The following NHS variants were observed in gnomAD, a reference collection of about 807,000 sequenced individuals.
NHS encodes NHS actin remodeling regulator, also known as actin remodeling regulator NHS.
NHS carries 5 observed loss-of-function variants against 72.5 expected under a neutral mutation model. The ratio of observed to expected loss-of-function variants is 0.07; its 90% CI spans 0.04 to 0.14. NHS has a LOEUF of 0.14. Among genes scored for constraint, NHS ranks in the 10% least tolerant of loss-of-function variants. NHS has a pLI of 1.00. For synonymous variants in NHS, 464 were observed against 547.7 expected (o/e 0.85, Z 2.13); for missense variants, 1,072 against 1,355.7 (o/e 0.79, Z 3.29).
chrX:17,400,994 C>T (rs2064500668), intron 1 of NHS, among the ~76,000 whole-genome samples: 1 of 112,179 alleles, frequency 8.9e-6, no homozygotes, highest in Non-Finnish European at 1.9e-5. Context: ...AAACTTATTA[C>T]AAAACTACAG....
chrX:17,586,106 A>G (rs1019299031), intron 1 of NHS: 2 of 111,004 alleles, frequency 1.8e-5, no homozygotes, highest in African/African-American at 6.6e-5. Context: ...TCTGCCACCA[A>G]CCAGCTCTGG....
intron 1 of NHS, among the ~76,000 whole-genome samples, chrX:17,526,263 AG>A (rs1381234872): frequency 8.9e-6 from 1 of 112,630 alleles, no homozygotes; most frequent in Non-Finnish European, 1.9e-5. Flanking sequence ...GGGCTAGGCC[AG>A]GCCAGGTGGT....
At chrX:17,695,927 TAA>T (rs371466910) in intron 3 of NHS, among the ~76,000 whole-genome samples, 20 of 69,482 alleles carry the variant, frequency 2.9e-4, no homozygotes, top group African/African-American at 9.0e-4. Context: ...AAAGCTTCCT[TAA>T]AAAAAAAAAA....
chrX:17,585,820 C>G (rs2065572498), intron 1 of NHS: 2 of 103,611 alleles, frequency 1.9e-5, no homozygotes, highest in Non-Finnish European at 3.8e-5. Context: ...GATGGAAGAT[C>G]GATTGAGGTT....
intron 1 of NHS, among the ~76,000 whole-genome samples, chrX:17,597,364 A>G (rs1182523501): frequency 1.8e-5 from 2 of 108,253 alleles, no homozygotes; most frequent in Non-Finnish European, 3.8e-5. Flanking sequence ...TGACCTCGTG[A>G]TCCGCCCACC....
intron 1 of NHS, among the ~76,000 whole-genome samples, chrX:17,618,517 G>A (rs1211133464): frequency 1.8e-5 from 2 of 112,094 alleles, no homozygotes; most frequent in African/African-American, 6.5e-5. Context: ...TTTGTGCTGG[G>A]TTTTTTCAAT....
intron 1 of NHS, among the ~76,000 whole-genome samples, chrX:17,458,024 G>C (rs1314334664): frequency 9.0e-6 from 1 of 111,646 alleles, no homozygotes; most frequent in Non-Finnish European, 1.9e-5. Flanking sequence ...TATGTGCCAG[G>C]TGTTAGAAGT....
At chrX:17,560,427 G>A (rs1390107847) in intron 1 of NHS, among the ~76,000 whole-genome samples, 2 of 112,664 alleles carry the variant, frequency 1.8e-5, no homozygotes, top group Admixed American at 9.4e-5. Flanking sequence ...TGCAAGTTCA[G>A]AGTTGGACAA....
At chrX:17,477,979 T>C (rs2064929009) in intron 1 of NHS, among the ~76,000 whole-genome samples, 1 of 111,638 alleles carries the variant, frequency 9.0e-6, no homozygotes, top group Non-Finnish European at 1.9e-5. Flanking sequence ...CCTCACCTCA[T>C]GTTATGGAGT....
intron 1 of NHS, among the ~76,000 whole-genome samples, chrX:17,513,557 C>A (rs751495582): frequency 8.9e-6 from 1 of 112,304 alleles, no homozygotes; most frequent in African/African-American, 3.2e-5. Context: ...TCTTGGGCTC[C>A]ACCCTAGACC....
At chrX:17,512,305 A>G (rs1038171488) in intron 1 of NHS, among the ~76,000 whole-genome samples, 10 of 112,404 alleles carry the variant, frequency 8.9e-5, no homozygotes, top group Non-Finnish European at 1.3e-4. Context: ...GGAACCTAAT[A>G]AAAATTGTAG....
intron 1 of NHS, among the ~76,000 whole-genome samples, chrX:17,545,602 C>G (rs772274023): frequency 1.5e-4 from 17 of 111,970 alleles, no homozygotes; most frequent in Non-Finnish European, 3.0e-4. Context: ...GCCATGGGCC[C>G]ATTCATTTGT....
intron 1 of NHS, among the ~76,000 whole-genome samples, chrX:17,535,700 C>T (rs977201534): frequency 1.8e-5 from 2 of 111,042 alleles, no homozygotes; most frequent in African/African-American, 6.6e-5. Flanking sequence ...TGCCTCAGCC[C>T]CCCAAGTAGC....
intron 1 of NHS, among the ~76,000 whole-genome samples, chrX:17,409,057 A>C (rs2064544230): frequency 9.0e-6 from 1 of 111,597 alleles, no homozygotes; most frequent in Non-Finnish European, 1.9e-5. Flanking sequence ...CACCCTCATG[A>C]ACTTGTTTAA....
intron 1 of NHS, among the ~76,000 whole-genome samples, chrX:17,669,142 G>A (rs2147098491): frequency 8.9e-6 from 1 of 112,196 alleles, no homozygotes; most frequent in South Asian, 3.8e-4. Flanking sequence ...CAGAATTTAC[G>A]CCACCTGACA....
intron 3 of NHS, among the ~76,000 whole-genome samples, chrX:17,692,753 T>C (rs113376878): frequency 1.6e-3 from 173 of 111,018 alleles, no homozygotes; most frequent in African/African-American, 5.5e-3. Context: ...ACCTCGGTTC[T>C]TCTGCTTGCA....
intron 1 of NHS, among the ~76,000 whole-genome samples, chrX:17,654,124 A>G (rs1430026993): frequency 9.0e-6 from 1 of 111,597 alleles, no homozygotes; most frequent in Non-Finnish European, 1.9e-5. Context: ...TGACATTATA[A>G]ATCACCCAGC....
intron 1 of NHS, among the ~76,000 whole-genome samples, chrX:17,473,772 T>C (rs2064901917): frequency 8.9e-6 from 1 of 111,868 alleles, no homozygotes; most frequent in East Asian, 2.8e-4. Flanking sequence ...GAAATGATAA[T>C]ATTTTAGACA....
At chrX:17,397,424 A>T in intron 1 of NHS, among the ~76,000 whole-genome samples, 1 of 111,860 alleles carries the variant, frequency 8.9e-6, no homozygotes, top group East Asian at 2.8e-4. Context: ...CTAACTGCCC[A>T]TGAGGGAGGG....
Sources: gnomAD v4.1 joint callset for allele counts (sites outside exome capture counted in the v4.1 genomes callset) on GRCh38, gnomAD v4.1.1 for gene constraint, MANE v1.5 for transcripts, NCBI Gene and HGNC (gene_info 2026-07-23, HGNC 2026-07-21) for gene names.